WWP2: variants seen among roughly 807,000 people sequenced by gnomAD.
The protein encoded by WWP2 is NEDD4-like E3 ubiquitin-protein ligase WWP2.
Under a neutral mutation model 121.0 loss-of-function variants are expected in WWP2, and 57 were observed. The ratio of observed to expected loss-of-function variants is 0.47; its 90% CI spans 0.38 to 0.59. The LOEUF (loss-of-function observed/expected upper bound fraction) is 0.59. Among genes scored for constraint, WWP2 ranks in the 20% least tolerant of loss-of-function variants. The pLI, the probability that WWP2 is intolerant of heterozygous loss-of-function variation, is 0.00. For missense variants in WWP2, 962 were observed against 1,158.9 expected, an observed-to-expected ratio of 0.83 and a Z score of 2.47; for synonymous variants, 449 against 441.3, an observed-to-expected ratio of 1.02 and a Z score of -0.22.
rs545518795 is a variant in WWP2 at position 69,925,689 on chromosome 16, C to A, written c.1234+205C>A. Reference sequence around the variant, plus strand: ...GGAAAGTAACCAAGCTCCACCGAACCACTGTAGCATCCACCCACCATCGCT... The same window carrying A: ...GGAAAGTAACCAAGCTCCACCGAACAACTGTAGCATCCACCCACCATCGCT... On this transcript the variant is annotated intron_variant, in intron 11 of 23. Coordinates refer to ENST00000359154, the MANE Select transcript of WWP2 (RefSeq NM_001270454.2). The surrounding 1 kb of genome is among the most constrained non-coding windows in gnomAD (Gnocchi z 4.0). Among the ~76,000 whole-genome samples, 1 of 152,196 alleles carries A rather than the reference C, an allele frequency of 6.6e-6. No homozygotes were observed. Among genetic ancestry groups the A allele is most frequent in the Non-Finnish European group, 1.5e-5 (1 of 68,032 alleles).
chr16:69,814,464 A>G (rs550238564), intron 4 of WWP2, among the ~76,000 whole-genome samples: 5 of 152,252 alleles, frequency 3.3e-5, no homozygotes, highest in Non-Finnish European at 7.4e-5. Context: ...AAATATTTAC[A>G]AATTCCTTCA....
chr16:69,781,521 A>AT (rs1051607356), intron 1 of WWP2, among the ~76,000 whole-genome samples: 2 of 151,106 alleles, frequency 1.3e-5, no homozygotes, highest in South Asian at 2.1e-4. Flanking sequence ...TAATTTTTGT[A>AT]TTTTTTTTGG....
At chr16:69,778,088 TATAC>T (rs146005933) in intron 1 of WWP2, among the ~76,000 whole-genome samples, 133 of 140,792 alleles carry the variant, frequency 9.4e-4, no homozygotes, top group African/African-American at 2.9e-3. Context: ...TATATATATA[TATAC>T]ACACACACAC....
intron 4 of WWP2, among the ~76,000 whole-genome samples, chr16:69,801,095 A>G (rs1171187245): frequency 6.7e-6 from 1 of 148,578 alleles, no homozygotes; most frequent in Non-Finnish European, 1.5e-5. Flanking sequence ...ACGCTGAGAC[A>G]GAAGAATCGC....
intron 11 of WWP2, among the ~76,000 whole-genome samples, chr16:69,928,792 T>C (rs941892680): frequency 1.3e-5 from 2 of 152,056 alleles, no homozygotes; most frequent in Non-Finnish European, 2.9e-5. Context: ...GGCTGGGCAG[T>C]GTAAGTGTCC....
At chr16:69,866,275 TTTATTTATTTA>T (rs2057521705) in intron 6 of WWP2, among the ~76,000 whole-genome samples, 4 of 5,666 alleles carry the variant, frequency 7.1e-4, no homozygotes, top group African/African-American at 8.8e-3. Context: ...TCACATTTTA[TTTATTTATTTA>T]TTTATTTATT....
chr16:69,782,646 A>G (rs1339980970), intron 1 of WWP2, among the ~76,000 whole-genome samples: 1 of 152,180 alleles, frequency 6.6e-6, no homozygotes, highest in African/African-American at 2.4e-5. Flanking sequence ...TTCCAGTGGA[A>G]GTAAAATGCT....
chr16:69,873,538 C>T (rs2057681277), intron 7 of WWP2, among the ~76,000 whole-genome samples: 1 of 152,228 alleles, frequency 6.6e-6, no homozygotes. Flanking sequence ...CCCACTGTAT[C>T]CTTGTGCTGG....
At chr16:69,800,410 A>G (rs1017653032) in intron 4 of WWP2, among the ~76,000 whole-genome samples, 3 of 152,176 alleles carry the variant, frequency 2.0e-5, no homozygotes, top group East Asian at 1.9e-4. Flanking sequence ...TCACATTAGG[A>G]TGCAGCAACC....
chr16:69,925,360 A>G lies in WWP2; in HGVS notation c.1180-70A>G. 1.3e-6 allele frequency: 2 copies of G among 1,583,302 alleles called. No individual in the cohort carries two copies. Among genetic ancestry groups the G allele is most frequent in the African/African-American group, 2.7e-5 (2 of 73,548 alleles). ...CCAGTCATTGGCATTTTTATTTTTT[A>G]TTGATTGATTGATTTTTTCACCAGT... On this transcript the variant is annotated intron_variant, in intron 10 of 23. Coordinates refer to ENST00000359154, the MANE Select transcript of WWP2 (RefSeq NM_001270454.2). This position sits in a 1 kb window ranked among gnomAD's most constrained non-coding sequence, Gnocchi z 4.0.
Position 69,799,921 on chromosome 16 carries a change from G to A in WWP2, c.340+626G>A, listed in dbSNP as rs2056126503. ...GGCATGGCCCATGGCGGTGGTATTG[G>A]ACCCTCCTTCATAAGGCCTCTATTC... On this transcript the variant is annotated intron_variant, in intron 4 of 23. Coordinates refer to ENST00000359154, the MANE Select transcript of WWP2 (RefSeq NM_001270454.2). This position sits in a 1 kb window ranked among gnomAD's most constrained non-coding sequence, Gnocchi z 4.5. 6.6e-6 allele frequency among the ~76,000 whole-genome samples: 1 copy of A among 152,136 alleles called. No homozygotes were observed. The highest frequency in any genetic ancestry group is 1.5e-5 in the Non-Finnish European group (1 of 68,034).
At chr16:69,819,152 G>A (rs1291569504) in intron 4 of WWP2, among the ~76,000 whole-genome samples, 1 of 152,154 alleles carries the variant, frequency 6.6e-6, no homozygotes, top group Admixed American at 6.5e-5. Context: ...TGTGACTGCT[G>A]CTGTCACCCA....
chr16:69,806,492 A>C (rs1310349791), intron 4 of WWP2, among the ~76,000 whole-genome samples: 1 of 152,216 alleles, frequency 6.6e-6, no homozygotes, highest in East Asian at 1.9e-4. Context: ...TATCTGTTCC[A>C]TGAGTGCAGC....
intron 6 of WWP2, among the ~76,000 whole-genome samples, chr16:69,851,546 C>A (rs563792642): frequency 9.9e-5 from 15 of 152,224 alleles, no homozygotes; most frequent in African/African-American, 3.1e-4. Context: ...TCATTGTCTG[C>A]ATGTACCACA....
chr16:69,763,421 A>G (rs2038660848), intron 1 of WWP2, among the ~76,000 whole-genome samples: 1 of 152,220 alleles, frequency 6.6e-6, no homozygotes, highest in Admixed American at 6.5e-5. Context: ...AAATTTGCAG[A>G]AGCAAAAGGA....
At chr16:69,845,233 A>G (rs2057049166) in intron 6 of WWP2, among the ~76,000 whole-genome samples, 1 of 152,090 alleles carries the variant, frequency 6.6e-6, no homozygotes, top group African/African-American at 2.4e-5. Context: ...ACACAACGGG[A>G]GCACTCGGTG....
In WWP2 at chr16:69,798,935, T is replaced by C; in HGVS notation, c.218+106T>C. 10 of 1,502,112 alleles carry C rather than the reference T, an allele frequency of 6.7e-6. No homozygotes were observed. The South Asian group carries it at 1.3e-4, about 19-fold the overall frequency. 93.0% of individuals were successfully genotyped at this position (1,502,112 alleles called of 1,614,324 possible). A position where few individuals can be genotyped will look rare whatever the true frequency, so the allele number is the denominator to read the frequency against. ...GATTCCCTGTGGCACCTCCGACTTT[T>C]TCTACCTATGGTACCCAAGGTGACT... On this transcript the variant is annotated intron_variant, in intron 3 of 23. Coordinates refer to ENST00000359154, the MANE Select transcript of WWP2 (RefSeq NM_001270454.2).
chr16:69,817,225 T>C (rs2056510738), intron 4 of WWP2, among the ~76,000 whole-genome samples: 1 of 152,206 alleles, frequency 6.6e-6, no homozygotes, highest in African/African-American at 2.4e-5. Context: ...AGGTCAGTTT[T>C]AATGGCTACA....
intron 6 of WWP2, among the ~76,000 whole-genome samples, chr16:69,859,237 CA>C (rs2057372972): frequency 6.6e-6 from 1 of 152,146 alleles, no homozygotes; most frequent in Admixed American, 6.6e-5. Flanking sequence ...TATCTGCATA[CA>C]CTGGGGAAGA....
Sources: gnomAD v4.1 joint callset for allele counts (sites outside exome capture counted in the v4.1 genomes callset) on GRCh38, gnomAD v4.1.1 for gene constraint, Gnocchi (gnomAD v3.1) non-coding constraint, MANE v1.5 for transcripts, NCBI Gene and HGNC (gene_info 2026-07-23, HGNC 2026-07-21) for gene names.